LGR4: variants seen among roughly 807,000 people sequenced by gnomAD.
LGR4 encodes the protein leucine-rich repeat-containing G protein-coupled receptor 4.
LGR4 carries 44 observed loss-of-function variants against 84.8 expected under a neutral mutation model. The ratio of observed to expected loss-of-function variants is 0.52; its 90% CI spans 0.41 to 0.67. The LOEUF is 0.67. Ranked by LOEUF, LGR4 falls within the 30% of genes least tolerant of loss-of-function variation. The pLI is 0.00. For missense variants in LGR4, 1,032 were observed against 1,131.4 expected (o/e 0.91, Z 1.26); for synonymous variants, 429 against 434.3 (o/e 0.99, Z 0.15).
intron 1 of LGR4, among the ~76,000 whole-genome samples, chr11:27,416,030 T>C (rs1397602857): frequency 6.6e-6 from 1 of 152,142 alleles, no homozygotes; most frequent in Non-Finnish European, 1.5e-5. Flanking sequence ...ATAAGGAAGT[T>C]GTTTAAAGAA....
chr11:27,465,160 T>C (rs1864755389), intron 1 of LGR4, among the ~76,000 whole-genome samples: 1 of 152,244 alleles, frequency 6.6e-6, no homozygotes, highest in African/African-American at 2.4e-5. Flanking sequence ...ATGGTTTACA[T>C]TTCCTTACAA....
chr11:27,460,371 G>T (rs1352502770), intron 1 of LGR4, among the ~76,000 whole-genome samples: 1 of 152,156 alleles, frequency 6.6e-6, no homozygotes, highest in Non-Finnish European at 1.5e-5. Context: ...ATAAAGGCAG[G>T]CAGTTTTCAA....
intron 2 of LGR4, among the ~76,000 whole-genome samples, chr11:27,401,520 A>T (rs921893346): frequency 1.3e-5 from 2 of 150,164 alleles, no homozygotes; most frequent in East Asian, 1.9e-4. Flanking sequence ...TTCCAGCTTT[A>T]AAAAAAAAAT....
intron 12 of LGR4, 150 bp downstream of exon 12, chr11:27,377,008 A>G (rs1221104006): frequency 1.9e-6 from 1 of 518,694 alleles, no homozygotes; most frequent in Non-Finnish European, 3.5e-6. Context: ...GCATGAACAC[A>G]TCTGGTTCAA....
At chr11:27,375,524 T>A (rs1375386656) in intron 13 of LGR4, among the ~76,000 whole-genome samples, 1 of 152,168 alleles carries the variant, frequency 6.6e-6, no homozygotes, top group Non-Finnish European at 1.5e-5. Flanking sequence ...TGATAGATAC[T>A]CCAGTGCAGG....
rs1430762324 is a variant in LGR4, at chr11:27,384,650, G to C, written c.618-243C>G. On this transcript the variant is annotated intron_variant, in intron 5 of 17. Transcript: ENST00000379214. ...CTCATGGAAAGAGAAAGTATCTTTA[G>C]TGGAAATATGGTACATACATGGAAG... 6.6e-6 allele frequency among the ~76,000 whole-genome samples: 1 copy of C among 152,128 alleles called. No homozygotes were observed. The highest frequency in any genetic ancestry group is 1.5e-5 in the Non-Finnish European group (1 of 68,026).
intron 1 of LGR4, among the ~76,000 whole-genome samples, chr11:27,451,762 A>G (rs1864483525): frequency 6.6e-6 from 1 of 152,248 alleles, no homozygotes; most frequent in Non-Finnish European, 1.5e-5. Flanking sequence ...GTAAAACACC[A>G]TTCAGCTACT....
At chr11:27,380,393 T>A (rs2472622) in intron 9 of LGR4, 54 bp from the exon 10 acceptor site, 897,914 of 1,355,850 alleles carry the variant, frequency 0.66, 300,706 homozygotes, top group Non-Finnish European at 0.69. Flanking sequence ...TCATATTTTA[T>A]GTTTTAAACA....
intron 2 of LGR4, among the ~76,000 whole-genome samples, chr11:27,401,611 G>A (rs899171099): frequency 1.3e-5 from 2 of 152,148 alleles, no homozygotes; most frequent in East Asian, 3.9e-4. Context: ...GAGGTATTGA[G>A]TTTTCCCAGG....
At chr11:27,373,072 C>T (rs1303487544) in intron 15 of LGR4, 1 of 152,542 alleles carries the variant, frequency 6.6e-6, no homozygotes, top group Non-Finnish European at 1.5e-5. Context: ...GTTGCCCAGG[C>T]TGGTCTTGAA....
At chr11:27,395,964 A>G (rs1863384599) in intron 2 of LGR4, among the ~76,000 whole-genome samples, 1 of 152,236 alleles carries the variant, frequency 6.6e-6, no homozygotes, top group East Asian at 1.9e-4. Context: ...AAAAAATCCC[A>G]AATTCTTTGG....
intron 1 of LGR4, among the ~76,000 whole-genome samples, chr11:27,432,443 T>C (rs1442162867): frequency 6.6e-6 from 1 of 152,156 alleles, no homozygotes. Context: ...ATAAAGTGTT[T>C]GTCCCAGAGA....
chr11:27,461,891 T>A (rs187291100), intron 1 of LGR4, among the ~76,000 whole-genome samples: 5 of 133,366 alleles, frequency 3.7e-5, no homozygotes, highest in Non-Finnish European at 7.8e-5. Context: ...TCGTCCAGGC[T>A]GGATCTTGGC....
At chr11:27,419,784 T>C (rs1301462719) in intron 1 of LGR4, among the ~76,000 whole-genome samples, 1 of 151,550 alleles carries the variant, frequency 6.6e-6, no homozygotes, top group Non-Finnish European at 1.5e-5. Flanking sequence ...CAAGCAACAA[T>C]ATGGATGATT....
In LGR4 at chr11:27,392,429, TA is replaced by T; in HGVS notation, c.329+17del. The T allele has an allele frequency of 6.4e-7, 1 of 1,560,184 alleles. No homozygotes were observed. The highest frequency in any genetic ancestry group is 8.6e-7 in the Non-Finnish European group (1 of 1,156,576). Reference sequence around the variant, plus strand: ...AAATACACAGCCAGCTGTGAAACTCTAAAATTGCATTACTTACAGAACTTTG... The same window carrying T: ...AAATACACAGCCAGCTGTGAAACTCTAAATTGCATTACTTACAGAACTTTG... On this transcript the variant is annotated intron_variant, in intron 3 of 17. Coordinates refer to ENST00000379214, the MANE Select transcript of LGR4 (RefSeq NM_018490.5).
intron 1 of LGR4, among the ~76,000 whole-genome samples, chr11:27,463,425 G>A (rs1864720686): frequency 1.3e-5 from 2 of 152,178 alleles, no homozygotes; most frequent in Admixed American, 1.3e-4. Flanking sequence ...GCAGAGAAGG[G>A]ATGAAAACTG....
At chr11:27,449,590 A>G (rs1864448895) in intron 1 of LGR4, among the ~76,000 whole-genome samples, 2 of 152,240 alleles carry the variant, frequency 1.3e-5, no homozygotes, top group South Asian at 4.1e-4. Flanking sequence ...TCTTAAAAAA[A>G]TCAAAAACTT....
intron 17 of LGR4, 76 bp from the exon 18 acceptor site, chr11:27,369,219 A>G (rs1862835960): frequency 1.8e-6 from 2 of 1,139,526 alleles, no homozygotes. Context: ...ATGGCTTGAT[A>G]GAAAAACTAA....
chr11:27,430,011 A>G (rs1411115702), intron 1 of LGR4, among the ~76,000 whole-genome samples: 1 of 152,070 alleles, frequency 6.6e-6, no homozygotes, highest in African/African-American at 2.4e-5. Flanking sequence ...AGTGGTGTAG[A>G]TGGGGCCCCA....
Sources: allele counts gnomAD v4.1 joint callset (sites outside exome capture counted in the v4.1 genomes callset), GRCh38; gene constraint gnomAD v4.1.1; transcripts MANE v1.5; gene names NCBI Gene and HGNC (gene_info 2026-07-23, HGNC 2026-07-21).